ITGA7: variants seen among roughly 807,000 people sequenced by gnomAD.
ITGA7 encodes the protein integrin subunit alpha 7, also known as integrin alpha-7.
In ITGA7, 84 loss-of-function variants were observed where a neutral mutation model predicts 131.6. That is an observed-to-expected ratio of 0.64 (90% CI 0.54 to 0.77). The LOEUF (loss-of-function observed/expected upper bound fraction) is 0.77, where lower values mean the gene tolerates loss of function less well. Among genes scored for constraint, ITGA7 ranks in the 30% least tolerant of loss-of-function variants. The probability of loss-of-function intolerance (pLI) is 0.00; values close to 1 mark genes in which losing one functional copy is unlikely to be tolerated. For missense variants in ITGA7, 1,399 were observed against 1,482.9 expected, an observed-to-expected ratio of 0.94 and a Z score of 0.93; for synonymous variants, 548 against 600.7, an observed-to-expected ratio of 0.91 and a Z score of 1.28.
chr12:55,714,241 G>A (rs4759189), upstream of ITGA7, among the ~76,000 whole-genome samples: 59,710 of 147,512 alleles, frequency 0.4, 11,919 homozygotes, highest in East Asian at 0.87. Context: ...GGCCGGGCGC[G>A]GTGGCTCACG....
At position 55,685,927 on chromosome 12, in the gene ITGA7, C is replaced by T. The variant is rs1870009907; in HGVS notation, c.3184-639G>A. Among the ~76,000 whole-genome samples the T allele has an allele frequency of 1.3e-5, 2 of 152,190 alleles. 1 individual carries two copies. Among genetic ancestry groups the T allele is most frequent in the Non-Finnish European group, 2.9e-5 (2 of 68,018 alleles). ...CTCCTTACACATTCATCTCCTTGCA[C>T]ACTCATGCCCATAGAAAAAAGCATG... On this transcript the variant is annotated intron_variant, in intron 24 of 24. Coordinates refer to ENST00000257879, the MANE Select transcript of ITGA7 (RefSeq NM_002206.3).
chr12:55,709,358 A>G (rs1030717125), upstream of ITGA7, among the ~76,000 whole-genome samples: 1 of 152,052 alleles, frequency 6.6e-6, no homozygotes, highest in Non-Finnish European at 1.5e-5. Context: ...TTCTTTGAAA[A>G]CAAAAAAAAA....
intron 11 of ITGA7, 55 bp from the exon 12 acceptor site, chr12:55,697,123 C>G (rs1277831622): frequency 6.3e-7 from 1 of 1,594,270 alleles, no homozygotes; most frequent in Admixed American, 1.8e-5. Flanking sequence ...CTCCAGCTCA[C>G]CCCATTCCAA....
At chr12:55,691,392 T>A (rs571488741) in intron 21 of ITGA7, among the ~76,000 whole-genome samples, 1 of 152,050 alleles carries the variant, frequency 6.6e-6, no homozygotes, top group South Asian at 2.1e-4. Flanking sequence ...AAGAGATATC[T>A]ATTTAAGAGA....
rs1416824828 is a variant in ITGA7 at position 55,707,762 on chromosome 12, C to A, written c.-80G>T. On this transcript the variant is annotated 5_prime_UTR_variant, in exon 1 of 25. Coordinates refer to ENST00000257879, the MANE Select transcript of ITGA7 (RefSeq NM_002206.3). ...AAGCCCCAGGTCCCCCCAGGCGCGT[C>A]TCTGGTCTCCAAAGTCTCGTTGGTC... 11 of 1,545,328 alleles carry A rather than the reference C, an allele frequency of 7.1e-6. No individual in the cohort carries two copies. The African/African-American group carries it at 1.5e-4, about 21-fold the overall frequency.
At chr12:55,687,483 C>G (rs189629168) in intron 24 of ITGA7, among the ~76,000 whole-genome samples, 6,607 of 139,874 alleles carry the variant, frequency 0.047, 530 homozygotes, top group African/African-American at 0.16. Context: ...GCCACCATGC[C>G]CGGCTTTTTT....
At chr12:55,703,290 G>C (rs957829911) in intron 1 of ITGA7, 112 bp from the exon 2 acceptor site, 1 of 1,209,548 alleles carries the variant, frequency 8.3e-7, no homozygotes, top group Non-Finnish European at 1.1e-6. Context: ...AGTGTTCAAG[G>C]ACTAAAGAGA....
At chr12:55,697,846 C>T in intron 8 of ITGA7, 24 bp from the exon 9 acceptor site, 1 of 1,614,096 alleles carries the variant, frequency 6.2e-7, no homozygotes, top group Non-Finnish European at 8.5e-7. Flanking sequence ...TGTCAGCCTC[C>T]CTCAATCCCA....
rs1167202636 is a variant in ITGA7 at position 55,697,825 on chromosome 12, A to G, written c.1282-3T>C. 3.1e-6 allele frequency: 5 copies of G among 1,613,976 alleles called. No homozygotes were observed. The highest frequency in any genetic ancestry group is 4.2e-6 in the Non-Finnish European group (5 of 1,180,012). On this transcript the variant is annotated splice_region_variant and splice_polypyrimidine_tract_variant and intron_variant, in intron 8 of 24. Transcript: ENST00000257879. ...CCCACAGCCTCGCCCTCCAGCACCT[A>G]GAGAACCAGCTGTCAGCCTCCCTCA...
intron 5 of ITGA7, 85 bp from the exon 6 acceptor site, chr12:55,699,002 C>T (rs1873339487): frequency 5.4e-6 from 7 of 1,304,762 alleles, no homozygotes; most frequent in Admixed American, 2.0e-5. Context: ...CCCCTGCCCC[C>T]TCCCTACAGG....
At chr12:55,708,679 T>G, upstream of ITGA7, among the ~76,000 whole-genome samples, 2 of 148,614 alleles carry the variant, frequency 1.3e-5, no homozygotes, top group Non-Finnish European at 3.0e-5. Flanking sequence ...GGGAGGGGAG[T>G]GGGTGTCAAA....
At chr12:55,707,253 C>T (rs563074908) in intron 1 of ITGA7, among the ~76,000 whole-genome samples, 2 of 152,324 alleles carry the variant, frequency 1.3e-5, no homozygotes, top group Non-Finnish European at 2.9e-5. Context: ...AAGAACCTTG[C>T]TTTCCAACTC....
In ITGA7 at chr12:55,688,900, C is replaced by A; in HGVS notation, c.2902G>T (p.Asp968Tyr). The A allele has an allele frequency of 6.2e-7, 1 of 1,614,000 alleles. No homozygotes were observed. The highest frequency in any genetic ancestry group is 1.1e-5 in the South Asian group (1 of 91,044). ...CAGACATGCAGCACAGCCGCGCGGT[C>A]AAAGCTGTAGAGTGGGCAGCTGAAC... ...VVFSCPLYSF[D>Y]RAAVLHVWGR... Residue 968 changes from aspartate (D) to tyrosine (Y), a missense_variant, in exon 22 of 25, where the codon GAC becomes TAC. Coordinates refer to ENST00000257879, the MANE Select transcript of ITGA7 (RefSeq NM_002206.3).
At chr12:55,701,451 C>T in intron 3 of ITGA7, 1 of 1,550,022 alleles carries the variant, frequency 6.5e-7, no homozygotes, top group Non-Finnish European at 8.7e-7. Flanking sequence ...TAAGCCACCA[C>T]ATAGGATGTG....
chr12:55,707,822 C>CCA lies in ITGA7; in HGVS notation c.-141_-140insTG. The CCA allele has an allele frequency of 7.1e-7, 1 of 1,411,496 alleles. No individual in the cohort carries two copies. Among genetic ancestry groups the CCA allele is most frequent in the Non-Finnish European group, 9.5e-7 (1 of 1,057,386 alleles). The allele number at this position is 1,411,496 out of a possible 1,614,324, so 87.4% of individuals were successfully genotyped here. ...TCTCCCAGACGTTCGCCCCGCCAGC[C>CCA]CTCCCGCCCGCCCGCCGCTCCGCCA... On this transcript the variant is annotated 5_prime_UTR_variant, in exon 1 of 25. Coordinates refer to ENST00000257879, the MANE Select transcript of ITGA7 (RefSeq NM_002206.3).
At chr12:55,710,760 C>A (rs1876027764), upstream of ITGA7, among the ~76,000 whole-genome samples, 1 of 152,074 alleles carries the variant, frequency 6.6e-6, no homozygotes, top group Non-Finnish European at 1.5e-5. Context: ...GAGACCCTGT[C>A]TCCAAACAAA....
intron 11 of ITGA7, 34 bp from the exon 12 acceptor site, chr12:55,697,102 C>G: frequency 1.2e-6 from 2 of 1,606,082 alleles, no homozygotes; most frequent in South Asian, 2.2e-5. Context: ...AGCTGCTGAG[C>G]TGCAGAGCTG....
chr12:55,698,858 C>G lies in ITGA7; in HGVS notation c.850G>C (p.Gly284Arg). ...VRAEELSFVA[G>R]APRANHKGAV... ...CCCTTGTGGTTGGCGCGGGGGGCTC[C>G]AGCCACAAAGCTCAGCTCTTCTGCA... The change falls in exon 6 of 25, where the codon GGA (glycine) becomes CGA (arginine). Residue 284 changes from glycine (G) to arginine (R), a missense_variant. Gly to Arg is a moderately radical substitution (Grantham distance 125). Coordinates refer to ENST00000257879, the MANE Select transcript of ITGA7 (RefSeq NM_002206.3). 1 of 1,613,988 alleles carries G rather than the reference C, an allele frequency of 6.2e-7. No homozygotes were observed. Among genetic ancestry groups the G allele is most frequent in the Non-Finnish European group, 8.5e-7 (1 of 1,179,966 alleles).
At chr12:55,715,814 A>C (rs1230308696), upstream of ITGA7, 1 of 488,050 alleles carries the variant, frequency 2.0e-6, no homozygotes, top group Non-Finnish European at 3.6e-6. Context: ...TTAAACGGTG[A>C]TAGACGGCCT....
Sources: gnomAD v4.1 joint callset for allele counts (sites outside exome capture counted in the v4.1 genomes callset) on GRCh38, gnomAD v4.1.1 for gene constraint, MANE v1.5 for transcripts, NCBI Gene and HGNC (gene_info 2026-07-23, HGNC 2026-07-21) for gene names.